KCNH8: variants seen among roughly 807,000 people sequenced by gnomAD.
The protein encoded by KCNH8 is potassium voltage-gated channel subfamily H member 8, also known as voltage-gated delayed rectifier potassium channel KCNH8.
A neutral mutation model predicts 103.6 loss-of-function variants in KCNH8; 70 were observed. The observed-to-expected ratio is 0.68, with a 90% CI of 0.56 to 0.82. KCNH8 has a LOEUF of 0.82. Ranked by LOEUF, KCNH8 falls within the 40% of genes least tolerant of loss-of-function variation. The pLI, the probability that KCNH8 is intolerant of heterozygous loss-of-function variation, is 0.00. For synonymous variants in KCNH8, 498 were observed against 489.4 expected (o/e 1.02, Z -0.23); for missense variants, 1,217 against 1,329.9 (o/e 0.92, Z 1.32).
chr3:19,267,813 C>T (rs2064533619), intron 2 of KCNH8, among the ~76,000 whole-genome samples: 2 of 152,116 alleles, frequency 1.3e-5, no homozygotes, highest in Admixed American at 6.6e-5. Context: ...AGGCTTCTGT[C>T]CCTTATGAAC....
At chr3:19,190,575 T>C (rs2063542121) in intron 1 of KCNH8, among the ~76,000 whole-genome samples, 1 of 152,014 alleles carries the variant, frequency 6.6e-6, no homozygotes, top group African/African-American at 2.4e-5. Flanking sequence ...GTAGTAGCTT[T>C]GTGGGAATAA....
chr3:19,200,906 A>T (rs1469590840), intron 1 of KCNH8, among the ~76,000 whole-genome samples: 1 of 152,074 alleles, frequency 6.6e-6, no homozygotes, highest in African/African-American at 2.4e-5. Context: ...TATGTAAAAA[A>T]AATTATATAT....
intron 11 of KCNH8, among the ~76,000 whole-genome samples, chr3:19,468,364 C>T (rs564410977): frequency 7.2e-5 from 11 of 152,238 alleles, no homozygotes; most frequent in East Asian, 3.9e-4. Flanking sequence ...CTGAAGACAG[C>T]GGCCTCTATG....
chr3:19,318,364 G>A (rs1427857417), intron 3 of KCNH8, among the ~76,000 whole-genome samples: 1 of 151,580 alleles, frequency 6.6e-6, no homozygotes, highest in African/African-American at 2.4e-5. Context: ...CTGAGATTTT[G>A]ATGCACCTGT....
intron 1 of KCNH8, among the ~76,000 whole-genome samples, chr3:19,185,617 A>G (rs2063494361): frequency 6.6e-6 from 1 of 151,954 alleles, no homozygotes; most frequent in African/African-American, 2.4e-5. Context: ...ACATGATATT[A>G]CTTTGGACAG....
At chr3:19,383,174 C>CT (rs2066310300) in intron 5 of KCNH8, among the ~76,000 whole-genome samples, 1 of 151,956 alleles carries the variant, frequency 6.6e-6, no homozygotes. Flanking sequence ...TAAAAAGCTA[C>CT]CACAAATGCT....
chr3:19,338,345 A>T (rs760281835), intron 3 of KCNH8, among the ~76,000 whole-genome samples: 1 of 151,818 alleles, frequency 6.6e-6, no homozygotes, highest in Non-Finnish European at 1.5e-5. Context: ...ACAACTATTG[A>T]TTCTTCAGAT....
rs1312915985 is a variant in KCNH8, at chr3:19,534,247, C to CA, written c.*149dup. On this transcript the variant is annotated 3_prime_UTR_variant, in exon 16 of 16. Transcript: ENST00000328405. ...GTGAGGAGCCAGGGAAAGGCAGAAC[C>CA]ACCTCCATGCTGTAGCAAACAATTT... The CA allele has an allele frequency of 2.1e-5, 13 of 621,568 alleles. No individual in the cohort carries two copies. The highest frequency in any genetic ancestry group is 3.7e-5 in the Non-Finnish European group (13 of 354,218). 38.5% of individuals were successfully genotyped at this position (621,568 alleles called of 1,614,324 possible).
intron 7 of KCNH8, among the ~76,000 whole-genome samples, chr3:19,424,009 C>G (rs557225111): frequency 4.1e-4 from 62 of 152,026 alleles, no homozygotes; most frequent in African/African-American, 1.3e-3. Context: ...ATTATAAAAT[C>G]AATATTAGGA....
chr3:19,479,112 C>T (rs2068034831), intron 11 of KCNH8, among the ~76,000 whole-genome samples: 1 of 152,116 alleles, frequency 6.6e-6, no homozygotes, highest in Non-Finnish European at 1.5e-5. Flanking sequence ...TACCCAACCT[C>T]CTAAGTGGGT....
intron 3 of KCNH8, among the ~76,000 whole-genome samples, chr3:19,319,518 G>T (rs553922847): frequency 6.6e-6 from 1 of 151,920 alleles, no homozygotes; most frequent in Non-Finnish European, 1.5e-5. Flanking sequence ...TTTTCCATTG[G>T]TCTATATGCC....
intron 2 of KCNH8, among the ~76,000 whole-genome samples, chr3:19,265,189 C>G (rs537521909): frequency 5.2e-4 from 79 of 152,148 alleles, no homozygotes; most frequent in Non-Finnish European, 1.1e-3. Context: ...CTTGTTTGAG[C>G]CCCAGCTTGA....
chr3:19,405,886 T>C (rs1205405777), intron 7 of KCNH8, among the ~76,000 whole-genome samples: 1 of 152,036 alleles, frequency 6.6e-6, no homozygotes, highest in Non-Finnish European at 1.5e-5. Context: ...ATGGAAGCTG[T>C]AGATATCCAA....
intron 14 of KCNH8, among the ~76,000 whole-genome samples, chr3:19,515,950 C>A (rs1311986834): frequency 6.6e-6 from 1 of 152,014 alleles, no homozygotes; most frequent in Non-Finnish European, 1.5e-5. Context: ...GTGAAGGTAC[C>A]TCCAACTCTA....
intron 11 of KCNH8, among the ~76,000 whole-genome samples, chr3:19,506,514 T>C (rs75750212): frequency 0.027 from 4,055 of 152,266 alleles, 204 homozygotes; most frequent in African/African-American, 0.092. Flanking sequence ...TGCTTGACCA[T>C]GTGGCTCCTC....
intron 5 of KCNH8, among the ~76,000 whole-genome samples, chr3:19,376,358 T>A (rs1351251219): frequency 6.6e-6 from 1 of 152,084 alleles, no homozygotes; most frequent in Non-Finnish European, 1.5e-5. Flanking sequence ...AGTGACCCGA[T>A]TTTCCAGGTG....
chr3:19,242,860 T>G (rs2064159458), intron 1 of KCNH8, among the ~76,000 whole-genome samples: 1 of 152,136 alleles, frequency 6.6e-6, no homozygotes, highest in South Asian at 2.1e-4. Context: ...AGGACTGTAC[T>G]TTGAGAAACC....
chr3:19,218,581 T>G (rs188295807), intron 1 of KCNH8, among the ~76,000 whole-genome samples: 4 of 152,240 alleles, frequency 2.6e-5, no homozygotes, highest in Non-Finnish European at 4.4e-5. Flanking sequence ...CTCTTCATCA[T>G]CTGGTCCTTC....
rs2067114919 is a variant in KCNH8 at position 19,431,095 on chromosome 3, A to G, written c.1178-7069A>G. Among the ~76,000 whole-genome samples the G allele has an allele frequency of 2.0e-5, 3 of 152,196 alleles. No homozygotes were observed. The South Asian group carries it at 6.2e-4, about 31-fold the overall frequency. On this transcript the variant is annotated intron_variant, in intron 7 of 15. Transcript: ENST00000328405. ...AGGGGAATGGTTCCAGCTTTTGCCCATTCAGCCTGATGTTGGCTGTGGGTT... is the reference window on the plus strand; with the variant it reads ...AGGGGAATGGTTCCAGCTTTTGCCCGTTCAGCCTGATGTTGGCTGTGGGTT...
Sources: gnomAD v4.1 joint callset for allele counts (sites outside exome capture counted in the v4.1 genomes callset) on GRCh38, gnomAD v4.1.1 for gene constraint, MANE v1.5 for transcripts, NCBI Gene and HGNC (gene_info 2026-07-23, HGNC 2026-07-21) for gene names.